BATF3: variants seen among roughly 807,000 people sequenced by gnomAD.
BATF3 encodes basic leucine zipper ATF-like transcription factor 3.
BATF3 carries 8 observed loss-of-function variants against 16.1 expected under a neutral mutation model. The observed-to-expected ratio is 0.50, with a 90% CI of 0.29 to 0.90. The LOEUF (loss-of-function observed/expected upper bound fraction) is 0.90, where lower values mean the gene tolerates loss of function less well. Ranked by LOEUF, BATF3 falls within the 40% of genes least tolerant of loss-of-function variation. The pLI, the probability that BATF3 is intolerant of heterozygous loss-of-function variation, is 0.08. For synonymous variants in BATF3, 74 were observed against 72.7 expected (o/e 1.02, Z -0.09); for missense variants, 139 against 167.0 (o/e 0.83, Z 0.92).
At chr1:212,695,830 T>C (rs542929861) in intron 2 of BATF3, among the ~76,000 whole-genome samples, 285 of 152,224 alleles carry the variant, frequency 1.9e-3, no homozygotes, top group Non-Finnish European at 2.7e-3. Flanking sequence ...GGTGTATGCA[T>C]GAGGGCGGAG....
intron 2 of BATF3, among the ~76,000 whole-genome samples, chr1:212,694,047 G>A (rs891081198): frequency 2.6e-5 from 4 of 152,106 alleles, no homozygotes; most frequent in Admixed American, 1.3e-4. Flanking sequence ...AGAGGGTGTC[G>A]GGGAGTCAGA....
rs59184028 is a variant in BATF3 at position 212,691,606 on chromosome 1, G to T, written c.196-4627C>A. On this transcript the variant is annotated intron_variant, in intron 2 of 2. Coordinates refer to ENST00000243440, the MANE Select transcript of BATF3 (RefSeq NM_018664.3). The stretch of plus-strand genomic sequence containing the variant: ...TCAGTTTCTAAGCCACATGGGTGCT[G>T]CCATGAAGCTCTCAGAACATGCAAT... 2.8e-4 allele frequency among the ~76,000 whole-genome samples: 43 copies of T among 152,372 alleles called. 1 individual carries two copies. The East Asian group carries it at 8.3e-3, about 29-fold the overall frequency.
At chr1:212,693,276 G>A (rs1657043249) in intron 2 of BATF3, among the ~76,000 whole-genome samples, 1 of 152,192 alleles carries the variant, frequency 6.6e-6, no homozygotes, top group Non-Finnish European at 1.5e-5. Flanking sequence ...TGTTCCTTTG[G>A]TTCTGCAGAA....
rs1656957089 is a variant in BATF3, at chr1:212,689,847, CCACAGACACACA to C, written c.196-2880_196-2869del. Among the ~76,000 whole-genome samples, 2 of 148,598 alleles carry C rather than the reference CCACAGACACACA, an allele frequency of 1.3e-5. No homozygotes were observed. Among genetic ancestry groups the C allele is most frequent in the African/African-American group, 5.0e-5 (2 of 39,868 alleles). On this transcript the variant is annotated intron_variant, in intron 2 of 2. Transcript: ENST00000243440. The surrounding 1 kb of genome is among the most constrained non-coding windows in gnomAD (Gnocchi z 4.6). ...CTCACACACACACACTCATACACAA[CCACAGACACACA>C]CACAGATACACACAGTCACACACAC...
chr1:212,696,289 G>A (rs1657126145), intron 2 of BATF3, among the ~76,000 whole-genome samples: 1 of 152,158 alleles, frequency 6.6e-6, no homozygotes, highest in African/African-American at 2.4e-5. Flanking sequence ...AGCAAAAGAG[G>A]GGAAAGCTTT....
At position 212,689,960 on chromosome 1, in the gene BATF3, ACT is replaced by A. The variant is rs1176821269; in HGVS notation, c.196-2983_196-2982del. Among the ~76,000 whole-genome samples, 1 of 151,034 alleles carries A rather than the reference ACT, an allele frequency of 6.6e-6. No homozygotes were observed. The highest frequency in any genetic ancestry group is 1.5e-5 in the Non-Finnish European group (1 of 67,794). ...ACAATCAACACACAGTCACACAAACACTCTCACAGTCACACACATACAGTCAT... is the reference window on the plus strand; with the variant it reads ...ACAATCAACACACAGTCACACAAACACTCACAGTCACACACATACAGTCAT... On this transcript the variant is annotated intron_variant, in intron 2 of 2. Transcript: ENST00000243440. The surrounding 1 kb of genome is among the most constrained non-coding windows in gnomAD (Gnocchi z 4.6).
At chr1:212,697,818 C>T (rs1657167356) in intron 1 of BATF3, 2 of 152,160 alleles carry the variant, frequency 1.3e-5, no homozygotes, top group African/African-American at 4.8e-5. Flanking sequence ...GGTAAAAACA[C>T]TTCAATCAGC....
rs1006610185 is a variant in BATF3 at position 212,699,814 on chromosome 1, C to G, written c.-52G>C. The G allele has an allele frequency of 1.8e-5, 20 of 1,111,358 alleles. No homozygotes were observed. The African/African-American group carries it at 2.2e-4, about 12-fold the overall frequency. The allele number at this position is 1,111,358 out of a possible 1,614,324, so 68.8% of individuals were successfully genotyped here. On this transcript the variant is annotated 5_prime_UTR_variant, in exon 1 of 3. Transcript: ENST00000243440. The surrounding 1 kb of genome is among the most constrained non-coding windows in gnomAD (Gnocchi z 4.4). ...CCCCGCCCCGCCCGCGCGCCCTGCC[C>G]GTGGGGCTGCCTACGGGCGCTGTCC...
At chr1:212,692,429 G>A (rs1657021306) in intron 2 of BATF3, among the ~76,000 whole-genome samples, 1 of 152,096 alleles carries the variant, frequency 6.6e-6, no homozygotes, top group African/African-American at 2.4e-5. Flanking sequence ...CTCAAGTATA[G>A]GTAGAGTATG....
In BATF3 at chr1:212,699,663, C is replaced by A. The variant is rs543469428; in HGVS notation, c.90+10G>T. 88 of 1,325,228 alleles carry A rather than the reference C, an allele frequency of 6.6e-5. 1 individual carries two copies. The African/African-American group carries it at 1.3e-3, about 20-fold the overall frequency. 82.1% of individuals were successfully genotyped at this position (1,325,228 alleles called of 1,614,324 possible). A position where few individuals can be genotyped will look rare whatever the true frequency, so the allele number is the denominator to read the frequency against. On this transcript the variant is annotated intron_variant, in intron 1 of 2. Coordinates refer to ENST00000243440, the MANE Select transcript of BATF3 (RefSeq NM_018664.3). This position sits in a 1 kb window ranked among gnomAD's most constrained non-coding sequence, Gnocchi z 4.4. ...ACCCCACGGCCCTCCCTGAGCCTCT[C>A]GCCCTCTACCTGCTGCTGCGGCTGC...
intron 2 of BATF3, among the ~76,000 whole-genome samples, chr1:212,692,893 TAC>T (rs1455174452): frequency 3.9e-5 from 6 of 152,220 alleles, no homozygotes; most frequent in Non-Finnish European, 7.3e-5. Context: ...TTTGATGCGC[TAC>T]AGTCTCCAGG....
rs76377002 is a variant in BATF3, at chr1:212,693,086, C to T, written c.195+3875G>A. 9.7e-4 allele frequency among the ~76,000 whole-genome samples: 147 copies of T among 152,308 alleles called. 2 individuals are homozygous for T. The East Asian group carries it at 0.026, about 27-fold the overall frequency. ...TCATGGCCCGCAGTAGTGTGCAAGG[C>T]GCTCTGTGCTCAACTCACTGGAGCT... On this transcript the variant is annotated intron_variant, in intron 2 of 2. Transcript: ENST00000243440.
intron 2 of BATF3, among the ~76,000 whole-genome samples, chr1:212,691,482 T>C (rs1388356182): frequency 1.3e-5 from 2 of 152,224 alleles, no homozygotes; most frequent in Non-Finnish European, 2.9e-5. Context: ...CCATAAGATC[T>C]CAGGACTTCA....
Position 212,699,712 on chromosome 1 carries a change from C to G in BATF3, c.51G>C (p.Ala17=). The G allele has an allele frequency of 7.4e-7, 1 of 1,348,872 alleles. No homozygotes were observed. The allele number at this position is 1,348,872 out of a possible 1,614,324, so 83.6% of individuals were successfully genotyped here. ...GCGGCTGCGGCTGGTTCCCGGGCGC[C>G]GCGACGCTCCTCTGCAGGACGCTGC... ...AAGSVLQRSV[A]APGNQPQPQP... Residue 17 remains alanine, a synonymous_variant, in exon 1 of 3, where the codon GCG becomes GCC. Transcript: ENST00000243440. This position sits in a 1 kb window ranked among gnomAD's most constrained non-coding sequence, Gnocchi z 4.4.
In BATF3 at chr1:212,689,293, T is replaced by C. The variant is rs1656937397; in HGVS notation, c.196-2314A>G. Among the ~76,000 whole-genome samples, 1 of 152,136 alleles carries C rather than the reference T, an allele frequency of 6.6e-6. No individual in the cohort carries two copies. Among genetic ancestry groups the C allele is most frequent in the African/African-American group, 2.4e-5 (1 of 41,422 alleles). ...CTGTTTCTTCTTTAACCCCATCCTTTCCTTTCAGAAGGGACTCTCAGCATC... is the reference window on the plus strand; with the variant it reads ...CTGTTTCTTCTTTAACCCCATCCTTCCCTTTCAGAAGGGACTCTCAGCATC... On this transcript the variant is annotated intron_variant, in intron 2 of 2. Coordinates refer to ENST00000243440, the MANE Select transcript of BATF3 (RefSeq NM_018664.3). This position sits in a 1 kb window ranked among gnomAD's most constrained non-coding sequence, Gnocchi z 4.6.
intron 2 of BATF3, among the ~76,000 whole-genome samples, chr1:212,694,481 A>G (rs985215380): frequency 6.6e-6 from 1 of 152,190 alleles, no homozygotes; most frequent in Admixed American, 6.5e-5. Context: ...ACTGTGCTCC[A>G]TGAAAGATCT....
In BATF3 at chr1:212,690,250, C is replaced by T. The variant is rs370018938; in HGVS notation, c.196-3271G>A. 1.9e-4 allele frequency among the ~76,000 whole-genome samples: 29 copies of T among 152,276 alleles called. No individual in the cohort carries two copies. The East Asian group carries it at 4.0e-3, about 21-fold the overall frequency. ...CTGCCTTTCTACATATACTGAATTC[C>T]GCAGCAAGACGCTCTGAGCTTCCCA... On this transcript the variant is annotated intron_variant, in intron 2 of 2. Transcript: ENST00000243440.
In BATF3 at chr1:212,686,972, T is replaced by C; in HGVS notation, c.203A>G (p.Glu68Gly). 1 of 1,590,284 alleles carries C rather than the reference T, an allele frequency of 6.3e-7. No homozygotes were observed. Among genetic ancestry groups the C allele is most frequent in the East Asian group, 2.2e-5 (1 of 44,760 alleles). The change falls in exon 3 of 3, where the codon GAG becomes GGG. Residue 68 changes from glutamate to glycine, a missense_variant. Coordinates refer to ENST00000243440, the MANE Select transcript of BATF3 (RefSeq NM_018664.3). ...CATGGTGTTTTCTTGCTCCAGGCTC[T>C]CATATTCCTGGGGGAGACAGAATGG... ...QKADKLHEEY[E>G]SLEQENTMLR...
chr1:212,697,927 G>A (rs1330190897), intron 1 of BATF3: 1 of 152,148 alleles, frequency 6.6e-6, no homozygotes, highest in Non-Finnish European at 1.5e-5. Flanking sequence ...GAGTTTAAGA[G>A]CCAAGAGGTA....
Sources: allele counts gnomAD v4.1 joint callset (sites outside exome capture counted in the v4.1 genomes callset), GRCh38; gene constraint gnomAD v4.1.1; non-coding constraint Gnocchi (gnomAD v3.1); transcripts MANE v1.5; gene names NCBI Gene and HGNC (gene_info 2026-07-23, HGNC 2026-07-21).